SPAG1: variants seen among roughly 807,000 people sequenced by gnomAD.
SPAG1 encodes sperm associated antigen 1, also known as sperm-associated antigen 1.
SPAG1 carries 69 observed loss-of-function variants against 100.5 expected under a neutral mutation model. That is an observed-to-expected ratio of 0.69 (90% CI 0.57 to 0.84). The LOEUF is 0.84. Among genes scored for constraint, SPAG1 ranks in the 40% least tolerant of loss-of-function variants. The probability of loss-of-function intolerance (pLI) is 0.00; values close to 1 mark genes in which losing one functional copy is unlikely to be tolerated. For missense variants in SPAG1, 955 were observed against 1,133.1 expected (o/e 0.84, Z 2.26); for synonymous variants, 336 against 411.6 (o/e 0.82, Z 2.22).
intron 8 of SPAG1, among the ~76,000 whole-genome samples, chr8:100,190,298 G>C (rs62532716): frequency 0.015 from 2,107 of 143,066 alleles, 29 homozygotes; most frequent in Middle Eastern, 0.034. Context: ...GGGCAACAGA[G>C]CAAGACTCTG....
In SPAG1 at chr8:100,205,860, C is replaced by CA. The variant is rs1282886264; in HGVS notation, c.1097-7221dup. Among the ~76,000 whole-genome samples, 39 of 149,396 alleles carry CA rather than the reference C, an allele frequency of 2.6e-4. No individual in the cohort carries two copies. In the South Asian group the frequency reaches 6.6e-3, roughly 25 times the overall value. On this transcript the variant is annotated intron_variant, in intron 10 of 18. Coordinates refer to ENST00000388798, the MANE Select transcript of SPAG1 (RefSeq NM_003114.5). ...TGAAACCCCGTCTCTACTAAAAATA[C>CA]AAAAAAAAATTAGCTGGACATGGTG...
In SPAG1 at chr8:100,208,136, C is replaced by T. The variant is rs529420889; in HGVS notation, c.1097-4954C>T. ...TTCTGCTGGCCTAGAGGTCTTAGTTCCAGAGGGAGGAATGCTGCCACAAGG... is the reference window on the plus strand; with the variant it reads ...TTCTGCTGGCCTAGAGGTCTTAGTTTCAGAGGGAGGAATGCTGCCACAAGG... On this transcript the variant is annotated intron_variant, in intron 10 of 18. Coordinates refer to ENST00000388798, the MANE Select transcript of SPAG1 (RefSeq NM_003114.5). Among the ~76,000 whole-genome samples the T allele has an allele frequency of 7.2e-5, 11 of 152,212 alleles. No homozygotes were observed. In the East Asian group the frequency reaches 2.1e-3, roughly 29 times the overall value.
intron 10 of SPAG1, among the ~76,000 whole-genome samples, chr8:100,212,834 A>G (rs1263222972): frequency 6.6e-6 from 1 of 152,236 alleles, no homozygotes; most frequent in Non-Finnish European, 1.5e-5. Context: ...GCGCTTAAAC[A>G]GTTAGAGACA....
At chr8:100,204,841 A>G (rs535286984) in intron 10 of SPAG1, among the ~76,000 whole-genome samples, 7 of 152,208 alleles carry the variant, frequency 4.6e-5, no homozygotes, top group Non-Finnish European at 8.8e-5. Context: ...ACTCACCTAC[A>G]AAATTTAAAT....
chr8:100,233,295 G>T (rs1818859801), intron 15 of SPAG1, 116 bp from the exon 16 acceptor site: 2 of 1,112,522 alleles, frequency 1.8e-6, no homozygotes, highest in Non-Finnish European at 1.3e-6. Flanking sequence ...AATGGAAACC[G>T]CAGTGGTATA....
chr8:100,230,544 C>T (rs1818720580), intron 14 of SPAG1, among the ~76,000 whole-genome samples: 1 of 152,174 alleles, frequency 6.6e-6, no homozygotes, highest in Non-Finnish European at 1.5e-5. Flanking sequence ...GTGGTTCTGG[C>T]CTCTGTTACT....
intron 4 of SPAG1, among the ~76,000 whole-genome samples, chr8:100,179,420 C>CT (rs1158726450): frequency 6.6e-6 from 1 of 152,074 alleles, no homozygotes. Flanking sequence ...TCCCGGTGTA[C>CT]TAAGACTGTG....
intron 3 of SPAG1, among the ~76,000 whole-genome samples, chr8:100,176,521 A>G (rs908970880): frequency 1.9e-4 from 29 of 151,936 alleles, no homozygotes; most frequent in Middle Eastern, 6.8e-3. Flanking sequence ...GCCCACCACC[A>G]CACCTGGCTA....
At chr8:100,224,395 A>G (rs981272576) in intron 13 of SPAG1, among the ~76,000 whole-genome samples, 6 of 152,284 alleles carry the variant, frequency 3.9e-5, no homozygotes, top group Admixed American at 3.9e-4. Flanking sequence ...TACTAAAATT[A>G]GCTGGGCGTG....
intron 4 of SPAG1, among the ~76,000 whole-genome samples, chr8:100,180,149 G>A (rs376766174): frequency 1.3e-5 from 2 of 152,130 alleles, no homozygotes; most frequent in East Asian, 3.9e-4. Flanking sequence ...GCAACATAGC[G>A]AGACCCCATC....
chr8:100,223,609 GTATT>G (rs1818376967), intron 13 of SPAG1, among the ~76,000 whole-genome samples: 4 of 145,868 alleles, frequency 2.7e-5, no homozygotes, highest in Non-Finnish European at 6.0e-5. Context: ...TTAAACATCT[GTATT>G]TATTTTGTTT....
At chr8:100,196,906 G>C (rs1249889680) in intron 10 of SPAG1, among the ~76,000 whole-genome samples, 2 of 151,546 alleles carry the variant, frequency 1.3e-5, no homozygotes, top group African/African-American at 4.9e-5. Flanking sequence ...TTGTTTTTAT[G>C]TTCATTTGCT....
At chr8:100,211,697 G>A (rs995868468) in intron 10 of SPAG1, among the ~76,000 whole-genome samples, 6 of 152,152 alleles carry the variant, frequency 3.9e-5, no homozygotes, top group Non-Finnish European at 8.8e-5. Flanking sequence ...AAACAAGTCC[G>A]AGTTATGCTG....
At chr8:100,190,663 CTTTTTTTTT>C (rs758612610) in intron 8 of SPAG1, among the ~76,000 whole-genome samples, 163 of 111,806 alleles carry the variant, frequency 1.5e-3, no homozygotes, top group African/African-American at 5.2e-3. Flanking sequence ...CTTTTTTTTT[CTTTTTTTTT>C]TTTTTTTTTG....
At chr8:100,217,077 C>T (rs962665923) in intron 12 of SPAG1, among the ~76,000 whole-genome samples, 7 of 151,750 alleles carry the variant, frequency 4.6e-5, no homozygotes, top group Non-Finnish European at 8.8e-5. Context: ...GCTGGGATTA[C>T]AGGCACTCAC....
Position 100,184,003 on chromosome 8 carries a change from A to G in SPAG1, c.536A>G (p.Glu179Gly). 6.4e-7 allele frequency: 1 copy of G among 1,550,518 alleles called. No individual in the cohort carries two copies. The highest frequency in any genetic ancestry group is 8.7e-7 in the Non-Finnish European group (1 of 1,152,716). Residue 179 changes from glutamate to glycine, a missense_variant, in exon 6 of 19, where the codon GAA (glutamate) becomes GGA (glycine). Glu to Gly is a moderately conservative substitution (Grantham distance 98). Coordinates refer to ENST00000388798, the MANE Select transcript of SPAG1 (RefSeq NM_003114.5). ...TTAAAAATTGATGAAGATTACAAAGAAAAGACGGTAATAGACAAGTCACAC... is the reference window on the plus strand; with the variant it reads ...TTAAAAATTGATGAAGATTACAAAGGAAAGACGGTAATAGACAAGTCACAC... Reference protein sequence around the residue: ...ECLKIDEDYKEKTVIDKSHLS... With the variant: ...ECLKIDEDYKGKTVIDKSHLS...
intron 14 of SPAG1, among the ~76,000 whole-genome samples, chr8:100,228,435 G>C (rs1349144201): frequency 6.8e-6 from 1 of 148,126 alleles, no homozygotes; most frequent in Admixed American, 6.8e-5. Flanking sequence ...AAAATTGGCT[G>C]GGTGCGGTGG....
At chr8:100,170,052 A>G (rs1815748761) in intron 3 of SPAG1, among the ~76,000 whole-genome samples, 1 of 151,552 alleles carries the variant, frequency 6.6e-6, no homozygotes, top group East Asian at 1.9e-4. Context: ...TGTTTTGGCT[A>G]TTCTAGGTCT....
At position 100,239,288 on chromosome 8, in the gene SPAG1, C is replaced by G; in HGVS notation, c.2164C>G (p.Pro722Ala). 3 of 1,543,600 alleles carry G rather than the reference C, an allele frequency of 1.9e-6. No homozygotes were observed. The highest frequency in any genetic ancestry group is 2.6e-6 in the Non-Finnish European group (3 of 1,146,638). The part of the protein sequence containing the change: ...IDLNKVILLD[P>A]SIIEAKMELE... ...TCTCAATAAAGTTATCCTACTAGAT[C>G]CAAGTATTATTGAGGCAAAGATGGA... The change falls in exon 17 of 19, where the codon CCA becomes GCA. Residue 722 changes from proline to alanine, a missense_variant. By Grantham distance (27) the Pro-to-Ala change is conservative. Coordinates refer to ENST00000388798, the MANE Select transcript of SPAG1 (RefSeq NM_003114.5). This position sits in a 1 kb window ranked among gnomAD's most constrained non-coding sequence, Gnocchi z 5.0.
Sources: gnomAD v4.1 joint callset for allele counts (sites outside exome capture counted in the v4.1 genomes callset) on GRCh38, gnomAD v4.1.1 for gene constraint, Gnocchi (gnomAD v3.1) non-coding constraint, MANE v1.5 for transcripts, NCBI Gene and HGNC (gene_info 2026-07-23, HGNC 2026-07-21) for gene names.